NOSTRIN: variants seen among roughly 807,000 people sequenced by gnomAD.
NOSTRIN encodes nitric oxide synthase trafficking, also known as BM247 homolog.
A neutral mutation model predicts 59.0 loss-of-function variants in NOSTRIN; 63 were observed. The observed-to-expected ratio is 1.07, with a 90% CI of 0.87 to 1.32. The LOEUF (loss-of-function observed/expected upper bound fraction) is 1.32, where lower values mean the gene tolerates loss of function less well. Ranked by LOEUF, NOSTRIN falls within the 40% of genes most tolerant of loss-of-function variation. NOSTRIN has a pLI of 0.00. For missense variants in NOSTRIN, 512 were observed against 473.1 expected (o/e 1.08, Z -0.76); for synonymous variants, 200 against 165.4 (o/e 1.21, Z -1.61).
At chr2:168,864,361 A>G (rs1454094401) in intron 15 of NOSTRIN, among the ~76,000 whole-genome samples, 4 of 150,398 alleles carry the variant, frequency 2.7e-5, no homozygotes, top group East Asian at 2.0e-4. Context: ...ATCTCAGCTC[A>G]CTGCAACCTC....
chr2:168,845,677 T>G (rs983168183), intron 8 of NOSTRIN, among the ~76,000 whole-genome samples: 1 of 152,214 alleles, frequency 6.6e-6, no homozygotes, highest in Non-Finnish European at 1.5e-5. Flanking sequence ...AAATTATCTC[T>G]TTTCTTACAG....
At chr2:168,796,755 GC>G (rs966875889), upstream of NOSTRIN, among the ~76,000 whole-genome samples, 1 of 152,084 alleles carries the variant, frequency 6.6e-6, no homozygotes, top group Non-Finnish European at 1.5e-5. Context: ...CAGTGTCAGA[GC>G]CTCCCAAGTG....
upstream of NOSTRIN, among the ~76,000 whole-genome samples, chr2:168,802,027 T>G (rs1327423886): frequency 3.3e-5 from 5 of 152,038 alleles, no homozygotes; most frequent in African/African-American, 1.2e-4. Flanking sequence ...AGTTGTTTGG[T>G]GTCTGGCCCT....
Position 168,859,642 on chromosome 2 carries a change from C to T in NOSTRIN, c.1179+5C>T, listed in dbSNP as rs1477695092. 6 of 1,613,436 alleles carry T rather than the reference C, an allele frequency of 3.7e-6. No individual in the cohort carries two copies. In the East Asian group the frequency reaches 6.7e-5, roughly 18 times the overall value. Reference sequence around the variant, plus strand: ...ATCTTCAGGTGGAGGGAAAAGGTAACATTTAAGGAGACTGGTTGTAATTTC... The same window carrying T: ...ATCTTCAGGTGGAGGGAAAAGGTAATATTTAAGGAGACTGGTTGTAATTTC... On this transcript the variant is annotated splice_donor_5th_base_variant and intron_variant, in intron 13 of 15. Transcript: ENST00000317647.
intron 2 of NOSTRIN, among the ~76,000 whole-genome samples, chr2:168,792,668 C>T (rs1685388269): frequency 6.6e-6 from 1 of 151,936 alleles, no homozygotes; most frequent in East Asian, 1.9e-4. Flanking sequence ...TTAGTAGAGA[C>T]ACAGTTTTCG....
At position 168,816,042 on chromosome 2, in the gene NOSTRIN, ACT is replaced by A. The variant is rs1395538419; in HGVS notation, c.113+4395_113+4396del. Among the ~76,000 whole-genome samples the A allele has an allele frequency of 5.3e-5, 8 of 151,502 alleles. No homozygotes were observed. The East Asian group carries it at 1.6e-3, about 29-fold the overall frequency. ...TGGCCTCTTCCACTGTTCTGGCAAA[ACT>A]CTCTTAAACTATTCTGCCTAGAAGT... On this transcript the variant is annotated intron_variant, in intron 2 of 15. Coordinates refer to ENST00000317647, the MANE Select transcript of NOSTRIN (RefSeq NM_001039724.4).
chr2:168,832,332 A>T (rs1687413023), intron 6 of NOSTRIN, among the ~76,000 whole-genome samples: 1 of 152,242 alleles, frequency 6.6e-6, no homozygotes, highest in South Asian at 2.1e-4. Flanking sequence ...ACAGAAGATT[A>T]TTCTAGAACA....
At chr2:168,861,851 A>G in intron 14 of NOSTRIN, 109 bp from the exon 15 acceptor site, 1 of 997,364 alleles carries the variant, frequency 1.0e-6, no homozygotes, top group South Asian at 1.6e-5. Flanking sequence ...TTTGAGAAAA[A>G]TTTAATATAT....
upstream of NOSTRIN, chr2:168,802,435 C>T: frequency 1.9e-6 from 1 of 529,238 alleles, no homozygotes. Context: ...CTATCTCACA[C>T]TGGCCGTCTT....
At chr2:168,848,282 G>A (rs1408171453) in intron 8 of NOSTRIN, among the ~76,000 whole-genome samples, 1 of 152,150 alleles carries the variant, frequency 6.6e-6, no homozygotes, top group Admixed American at 6.5e-5. Context: ...AAGGGCAGAC[G>A]GCCACATTCA....
chr2:168,839,435 G>T (rs1477167808), intron 7 of NOSTRIN, among the ~76,000 whole-genome samples: 1 of 152,128 alleles, frequency 6.6e-6, no homozygotes, highest in African/African-American at 2.4e-5. Flanking sequence ...TGACTAGAGA[G>T]GGAGCCTGTC....
intron 1 of NOSTRIN, among the ~76,000 whole-genome samples, chr2:168,809,051 A>G (rs1161178366): frequency 6.6e-6 from 1 of 152,206 alleles, no homozygotes; most frequent in Non-Finnish European, 1.5e-5. Flanking sequence ...AAGCAAAAAG[A>G]CCCTGTATGA....
At chr2:168,799,518 GT>G (rs776846242), upstream of NOSTRIN, among the ~76,000 whole-genome samples, 8 of 152,148 alleles carry the variant, frequency 5.3e-5, no homozygotes, top group Non-Finnish European at 1.0e-4. Flanking sequence ...CTGAGCCTCA[GT>G]GGCTGAAGAC....
upstream of NOSTRIN, among the ~76,000 whole-genome samples, chr2:168,799,188 T>C (rs976807364): frequency 6.6e-6 from 1 of 152,190 alleles, no homozygotes. Context: ...GAGCGTATAC[T>C]CAGGGCCACT....
intron 8 of NOSTRIN, among the ~76,000 whole-genome samples, chr2:168,844,922 C>T (rs1688324229): frequency 6.6e-6 from 1 of 151,918 alleles, no homozygotes; most frequent in Non-Finnish European, 1.5e-5. Context: ...ATGCTCCTGC[C>T]CCATTGAAAA....
chr2:168,856,934 T>C (rs1689162368), intron 12 of NOSTRIN, among the ~76,000 whole-genome samples, 156 bp downstream of exon 12: 1 of 152,228 alleles, frequency 6.6e-6, no homozygotes, highest in Non-Finnish European at 1.5e-5. Context: ...CATAAGTCAT[T>C]TGAGGGATCT....
At chr2:168,857,095 ATC>A (rs906171218) in intron 12 of NOSTRIN, among the ~76,000 whole-genome samples, 1 of 152,234 alleles carries the variant, frequency 6.6e-6, no homozygotes, top group Non-Finnish European at 1.5e-5. Flanking sequence ...GAAACAAAGG[ATC>A]TGCATTCAGA....
chr2:168,834,497 G>A (rs561288991), intron 7 of NOSTRIN, among the ~76,000 whole-genome samples, 172 bp downstream of exon 7: 501 of 18,314 alleles, frequency 0.027, 4 homozygotes, highest in African/African-American at 0.072. Context: ...GCGTGCGCGC[G>A]CGCGCGCGCG....
At chr2:168,802,573 C>T, upstream of NOSTRIN, 1 of 843,336 alleles carries the variant, frequency 1.2e-6, no homozygotes, top group Non-Finnish European at 2.0e-6. Flanking sequence ...AAGTCCAGGA[C>T]ACACCCAACC....
Sources: allele counts gnomAD v4.1 joint callset (sites outside exome capture counted in the v4.1 genomes callset), GRCh38; gene constraint gnomAD v4.1.1; transcripts MANE v1.5; gene names NCBI Gene and HGNC (gene_info 2026-07-23, HGNC 2026-07-21).